PAPPA2: variants seen among roughly 807,000 people sequenced by gnomAD.
PAPPA2 encodes the protein pappalysin-2.
Under a neutral mutation model 176.4 loss-of-function variants are expected in PAPPA2, and 86 were observed. The observed-to-expected ratio is 0.49, with a 90% confidence interval of 0.41 to 0.58. PAPPA2 has a LOEUF of 0.58. Ranked by LOEUF, PAPPA2 falls within the 20% of genes least tolerant of loss-of-function variation. PAPPA2 has a pLI of 0.00. For missense variants in PAPPA2, 2,073 were observed against 2,256.9 expected, an observed-to-expected ratio of 0.92 and a Z score of 1.65; for synonymous variants, 809 against 852.2, an observed-to-expected ratio of 0.95 and a Z score of 0.88.
intron 1 of PAPPA2, among the ~76,000 whole-genome samples, chr1:176,527,216 C>G (rs1347440654): frequency 6.6e-6 from 1 of 152,186 alleles, no homozygotes; most frequent in Admixed American, 6.5e-5. Flanking sequence ...CTTCAAATAG[C>G]AAGTCCAGAA....
chr1:176,692,351 T>G (rs1305319914), intron 6 of PAPPA2, 33 bp downstream of exon 6: 1 of 1,549,312 alleles, frequency 6.5e-7, no homozygotes, highest in South Asian at 1.2e-5. Flanking sequence ...GTGAGCTGGC[T>G]TATTTCTCTG....
At position 176,640,040 on chromosome 1, in the gene PAPPA2, C is replaced by G. The variant is rs374721524; in HGVS notation, c.1992-30930C>G. Among the ~76,000 whole-genome samples the G allele has an allele frequency of 8.6e-5, 13 of 151,580 alleles. No homozygotes were observed. In the South Asian group the frequency reaches 1.2e-3, roughly 15 times the overall value. Reference sequence around the variant, plus strand: ...CTCATACAAGAAGAAAAGGGCAAGCCTATATTATCTCAGGTTATTCAAATT... The same window carrying G: ...CTCATACAAGAAGAAAAGGGCAAGCGTATATTATCTCAGGTTATTCAAATT... On this transcript the variant is annotated intron_variant, in intron 3 of 22. Coordinates refer to ENST00000367662, the MANE Select transcript of PAPPA2 (RefSeq NM_020318.3).
chr1:176,679,189 G>A (rs535407980), intron 4 of PAPPA2, among the ~76,000 whole-genome samples: 1 of 152,130 alleles, frequency 6.6e-6, no homozygotes, highest in East Asian at 1.9e-4. Context: ...TTCTTCTGAC[G>A]TTCCCTGAGT....
At chr1:176,538,448 C>A (rs1207902173) in intron 1 of PAPPA2, among the ~76,000 whole-genome samples, 3 of 152,208 alleles carry the variant, frequency 2.0e-5, no homozygotes, top group Non-Finnish European at 4.4e-5. Flanking sequence ...CAATGCCAGG[C>A]TCTAGAACCA....
intron 20 of PAPPA2, among the ~76,000 whole-genome samples, chr1:176,796,722 CTTCT>C (rs1272072555): frequency 4.3e-5 from 5 of 115,466 alleles, no homozygotes; most frequent in East Asian, 4.9e-4. Flanking sequence ...TTCTTTCTTT[CTTCT>C]TTCTTTCTCT....
intron 14 of PAPPA2, among the ~76,000 whole-genome samples, chr1:176,752,342 T>TAAAAAAAAAA (rs58591760): frequency 1.5e-4 from 14 of 96,474 alleles, no homozygotes; most frequent in South Asian, 3.8e-4. Context: ...TAGAGTATAA[T>TAAAAAAAAAA]AAAAAAAAAA....
chr1:176,571,685 T>C (rs1316438761), intron 2 of PAPPA2, among the ~76,000 whole-genome samples: 1 of 152,240 alleles, frequency 6.6e-6, no homozygotes, highest in Non-Finnish European at 1.5e-5. Flanking sequence ...TGTATATCAA[T>C]GTGATATAAC....
At chr1:176,546,009 G>A (rs183025533) in intron 1 of PAPPA2, among the ~76,000 whole-genome samples, 179 of 152,218 alleles carry the variant, frequency 1.2e-3, no homozygotes, top group African/African-American at 4.2e-3. Context: ...CAGAAACAGA[G>A]CATTAATATG....
At chr1:176,524,547 G>A (rs1195910986) in intron 1 of PAPPA2, among the ~76,000 whole-genome samples, 7 of 152,128 alleles carry the variant, frequency 4.6e-5, no homozygotes, top group Admixed American at 4.6e-4. Context: ...TATTATTTTT[G>A]GCTCTGATGA....
intron 4 of PAPPA2, among the ~76,000 whole-genome samples, chr1:176,686,217 G>A (rs1214908888): frequency 1.3e-5 from 2 of 152,120 alleles, no homozygotes; most frequent in Non-Finnish European, 2.9e-5. Context: ...TATTAAGGGA[G>A]GGTGTTTAAT....
At chr1:176,647,925 G>A (rs1356415856) in intron 3 of PAPPA2, among the ~76,000 whole-genome samples, 1 of 151,430 alleles carries the variant, frequency 6.6e-6, no homozygotes, top group Admixed American at 6.6e-5. Context: ...GGCTATTTGG[G>A]GTCTTTTGAG....
intron 3 of PAPPA2, among the ~76,000 whole-genome samples, chr1:176,645,219 T>C (rs1287546501): frequency 6.6e-6 from 1 of 151,766 alleles, no homozygotes; most frequent in East Asian, 1.9e-4. Context: ...TTTGTACCCA[T>C]TAATCAACCT....
chr1:176,539,248 C>T (rs578054055), intron 1 of PAPPA2, among the ~76,000 whole-genome samples: 3 of 152,148 alleles, frequency 2.0e-5, no homozygotes, highest in African/African-American at 2.4e-5. Flanking sequence ...TTGTATGGAA[C>T]GTAGGGTATG....
intron 12 of PAPPA2, among the ~76,000 whole-genome samples, chr1:176,717,495 T>C (rs1037840162): frequency 3.3e-5 from 5 of 152,250 alleles, no homozygotes; most frequent in African/African-American, 4.8e-5. Flanking sequence ...CAAAAGCTCC[T>C]AGGCTGCTAC....
At chr1:176,829,285 T>G in intron 21 of PAPPA2, among the ~76,000 whole-genome samples, 1 of 145,760 alleles carries the variant, frequency 6.9e-6, no homozygotes, top group Non-Finnish European at 1.5e-5. Flanking sequence ...TGAGAGAGAA[T>G]GGGGAAAAAA....
intron 2 of PAPPA2, among the ~76,000 whole-genome samples, chr1:176,566,601 G>A (rs1212241015): frequency 2.0e-5 from 3 of 152,146 alleles, no homozygotes; most frequent in Non-Finnish European, 2.9e-5. Flanking sequence ...GTTCTGGGGT[G>A]GAGCAAAGAT....
At chr1:176,762,357 C>T (rs935263023) in intron 14 of PAPPA2, among the ~76,000 whole-genome samples, 1 of 151,664 alleles carries the variant, frequency 6.6e-6, no homozygotes, top group African/African-American at 2.4e-5. Flanking sequence ...ATGGACTTCT[C>T]ACACTGGCAG....
At chr1:176,730,035 C>T (rs566394135) in intron 12 of PAPPA2, among the ~76,000 whole-genome samples, 49 of 151,822 alleles carry the variant, frequency 3.2e-4, no homozygotes, top group Non-Finnish European at 5.7e-4. Flanking sequence ...ATATTTTAAA[C>T]GTATTGTTGG....
intron 20 of PAPPA2, among the ~76,000 whole-genome samples, chr1:176,795,460 T>C (rs2102943503): frequency 6.6e-6 from 1 of 152,334 alleles, no homozygotes; most frequent in Middle Eastern, 3.4e-3. Flanking sequence ...TTTTTATGAT[T>C]ATCCTTAATC....
Sources: allele counts gnomAD v4.1 joint callset (sites outside exome capture counted in the v4.1 genomes callset), GRCh38; gene constraint gnomAD v4.1.1; transcripts MANE v1.5; gene names NCBI Gene and HGNC (gene_info 2026-07-23, HGNC 2026-07-21).